OSBPL10: variants seen among roughly 807,000 people sequenced by gnomAD.
OSBPL10 encodes oxysterol binding protein like 10.
OSBPL10 carries 49 observed loss-of-function variants against 81.7 expected under a neutral mutation model. That is an observed-to-expected ratio of 0.60 (90% confidence interval 0.48 to 0.76). OSBPL10 has a LOEUF of 0.76. OSBPL10 is among the 30% of genes least tolerant of loss of function. The pLI is 0.00. For missense variants in OSBPL10, 923 were observed against 987.8 expected, an observed-to-expected ratio of 0.93 and a Z score of 0.88; for synonymous variants, 419 against 383.6, an observed-to-expected ratio of 1.09 and a Z score of -1.08.
intron 2 of OSBPL10, among the ~76,000 whole-genome samples, chr3:31,999,114 CTTGATCAG>C (rs1486050866): frequency 6.6e-6 from 1 of 152,164 alleles, no homozygotes; most frequent in Non-Finnish European, 1.5e-5. Flanking sequence ...CTGCTGTTAG[CTTGATCAG>C]CTGTCTCCCC....
At chr3:31,871,880 G>A (rs1341697423) in intron 3 of OSBPL10, among the ~76,000 whole-genome samples, 2 of 151,902 alleles carry the variant, frequency 1.3e-5, no homozygotes, top group Non-Finnish European at 2.9e-5. Context: ...ACACACACAT[G>A]CACACGCACA....
chr3:32,056,320 T>C (rs1330093276), intron 1 of OSBPL10, among the ~76,000 whole-genome samples: 2 of 152,204 alleles, frequency 1.3e-5, no homozygotes, highest in Non-Finnish European at 2.9e-5. Flanking sequence ...TCTGAATCAA[T>C]GTTATAATTC....
intron 1 of OSBPL10, among the ~76,000 whole-genome samples, chr3:31,961,326 G>C (rs1486890697): frequency 6.6e-6 from 1 of 152,108 alleles, no homozygotes; most frequent in Non-Finnish European, 1.5e-5. Context: ...AGGAAGCCAG[G>C]GAAGGCTTCA....
intron 4 of OSBPL10, among the ~76,000 whole-genome samples, chr3:31,769,445 C>CA (rs1213069221): frequency 0.24 from 2,534 of 10,738 alleles, 720 homozygotes; most frequent in Non-Finnish European, 0.45. Flanking sequence ...AACTCCATCT[C>CA]AAAAAAAAAA....
intron 2 of OSBPL10, among the ~76,000 whole-genome samples, chr3:32,026,019 G>GATAC (rs1699403200): frequency 8.5e-6 from 1 of 117,372 alleles, no homozygotes; most frequent in Non-Finnish European, 1.8e-5. Flanking sequence ...GACATAGATA[G>GATAC]ATAGATAGAT....
intron 2 of OSBPL10, among the ~76,000 whole-genome samples, chr3:32,026,304 C>T (rs1483024628): frequency 1.3e-5 from 2 of 152,010 alleles, no homozygotes; most frequent in East Asian, 1.9e-4. Context: ...GCCCAGCTAA[C>T]TTTTTGAATT....
At chr3:32,009,744 G>A (rs1699236483) in intron 2 of OSBPL10, among the ~76,000 whole-genome samples, 1 of 152,164 alleles carries the variant, frequency 6.6e-6, no homozygotes, top group Admixed American at 6.5e-5. Context: ...CCCATCTTGG[G>A]CCCAAGTTTC....
At position 31,769,457 on chromosome 3, in the gene OSBPL10, AACAAAAAAAAAAC is replaced by A. The variant is rs1213338500; in HGVS notation, c.730-21350_730-21338del. Among the ~76,000 whole-genome samples, 312 of 88,860 alleles carry A rather than the reference AACAAAAAAAAAAC, an allele frequency of 3.5e-3. 59 individuals are homozygous for A. Among genetic ancestry groups the A allele is most frequent in the African/African-American group, 0.013 (293 of 23,006 alleles). 58.3% of individuals were successfully genotyped at this position (88,860 alleles called of 152,430 possible). Reference sequence around the variant, plus strand: ...CAAAACTCCATCTCAAAAAAAAAAAAACAAAAAAAAAACAAAAAAAAACAGAATAAAAATATAT... The same window carrying A: ...CAAAACTCCATCTCAAAAAAAAAAAAAAAAAAAAACAGAATAAAAATATAT... On this transcript the variant is annotated intron_variant, in intron 4 of 11. Coordinates refer to ENST00000396556, the MANE Select transcript of OSBPL10 (RefSeq NM_017784.5).
chr3:32,059,920 GA>G (rs926874487), intron 1 of OSBPL10, among the ~76,000 whole-genome samples: 4 of 151,328 alleles, frequency 2.6e-5, no homozygotes, highest in Non-Finnish European at 4.4e-5. Context: ...TCAAAAGAAA[GA>G]AAAAAAACAG....
At chr3:31,712,352 C>A (rs1033748612) in intron 6 of OSBPL10, among the ~76,000 whole-genome samples, 1 of 152,220 alleles carries the variant, frequency 6.6e-6, no homozygotes, top group Non-Finnish European at 1.5e-5. Flanking sequence ...TTCCCGGAAC[C>A]TGTGTATACG....
intron 2 of OSBPL10, among the ~76,000 whole-genome samples, chr3:32,026,005 T>G (rs567692776): frequency 7.2e-6 from 1 of 137,988 alleles, no homozygotes; most frequent in African/African-American, 2.7e-5. Context: ...CCTTTATATA[T>G]ACAGACATAG....
At chr3:31,948,025 C>T (rs1236384109) in intron 1 of OSBPL10, among the ~76,000 whole-genome samples, 1 of 152,210 alleles carries the variant, frequency 6.6e-6, no homozygotes, top group Non-Finnish European at 1.5e-5. Flanking sequence ...TACAAGGTCA[C>T]ACCAGAGTGG....
intron 4 of OSBPL10, among the ~76,000 whole-genome samples, chr3:31,828,951 T>C (rs1700165069): frequency 6.6e-6 from 1 of 152,192 alleles, no homozygotes; most frequent in Non-Finnish European, 1.5e-5. Flanking sequence ...AGTATATACA[T>C]GTAAAATCTT....
intron 4 of OSBPL10, among the ~76,000 whole-genome samples, chr3:31,769,910 C>G (rs1271050691): frequency 7.1e-6 from 1 of 141,454 alleles, no homozygotes; most frequent in African/African-American, 2.6e-5. Flanking sequence ...TAAGAAGGTT[C>G]TGAAATCTAT....
intron 1 of OSBPL10, among the ~76,000 whole-genome samples, chr3:31,937,438 A>G (rs548953224): frequency 6.6e-6 from 1 of 152,134 alleles, no homozygotes; most frequent in African/African-American, 2.4e-5. Context: ...CAAGGCAGAA[A>G]TTTGGACAGC....
intron 3 of OSBPL10, among the ~76,000 whole-genome samples, chr3:31,864,627 T>C (rs928886571): frequency 1.3e-5 from 2 of 152,006 alleles, no homozygotes; most frequent in Admixed American, 1.3e-4. Flanking sequence ...GAAACAGCAG[T>C]GACAAAGGCA....
At chr3:31,928,758 T>A (rs1364372858) in intron 1 of OSBPL10, among the ~76,000 whole-genome samples, 3 of 94,290 alleles carry the variant, frequency 3.2e-5, no homozygotes, top group African/African-American at 1.9e-4. Flanking sequence ...GTGAGACTTG[T>A]CTCCAAAAAA....
intron 1 of OSBPL10, among the ~76,000 whole-genome samples, chr3:31,953,973 C>T (rs914888463): frequency 6.6e-6 from 1 of 152,210 alleles, no homozygotes; most frequent in Non-Finnish European, 1.5e-5. Context: ...GATTCCTTAA[C>T]ATCAAAGCTA....
intron 4 of OSBPL10, among the ~76,000 whole-genome samples, chr3:31,815,036 C>T (rs1209983449): frequency 1.3e-5 from 2 of 150,970 alleles, no homozygotes; most frequent in African/African-American, 4.8e-5. Context: ...CTTCTGCTCT[C>T]TATCCCCGGA....
Sources: allele counts gnomAD v4.1 joint callset (sites outside exome capture counted in the v4.1 genomes callset), GRCh38; gene constraint gnomAD v4.1.1; transcripts MANE v1.5; gene names NCBI Gene and HGNC (gene_info 2026-07-23, HGNC 2026-07-21).